Variants in KAZN observed in about 807,000 individuals in gnomAD.
The protein encoded by KAZN is kazrin, periplakin interacting protein.
KAZN carries 40 observed loss-of-function variants against 87.4 expected under a neutral mutation model. The ratio of observed to expected loss-of-function variants is 0.46; its 90% CI spans 0.36 to 0.60. KAZN has a LOEUF of 0.60. Among genes scored for constraint, KAZN ranks in the 20% least tolerant of loss-of-function variants. The pLI is 0.00. For synonymous variants in KAZN, 466 were observed against 458.3 expected (o/e 1.02, Z -0.22); for missense variants, 898 against 1,073.9 (o/e 0.84, Z 2.29).
intron 2 of KAZN, among the ~76,000 whole-genome samples, chr1:14,268,107 C>A (rs1246728173): frequency 2.0e-5 from 3 of 152,214 alleles, no homozygotes; most frequent in Admixed American, 6.5e-5. Flanking sequence ...CAGGTACCTG[C>A]AATCAAGCTA....
intron 2 of KAZN, among the ~76,000 whole-genome samples, chr1:14,235,339 A>G (rs1648307686): frequency 6.6e-6 from 1 of 152,248 alleles, no homozygotes; most frequent in Non-Finnish European, 1.5e-5. Context: ...ACAACATTAC[A>G]CAAAGTAAAA....
At chr1:14,040,424 G>A (rs1407361299) in intron 1 of KAZN, among the ~76,000 whole-genome samples, 3 of 152,188 alleles carry the variant, frequency 2.0e-5, no homozygotes, top group Middle Eastern at 3.4e-3. Flanking sequence ...CATTAGACTC[G>A]AATAGGCTTA....
chr1:14,191,659 C>T (rs990302155), intron 2 of KAZN, among the ~76,000 whole-genome samples: 1 of 152,080 alleles, frequency 6.6e-6, no homozygotes, highest in African/African-American at 2.4e-5. Flanking sequence ...CATCAGCAAA[C>T]CCTCTAATTT....
chr1:14,714,452 T>C (rs1372154415), intron 1 of KAZN, among the ~76,000 whole-genome samples: 1 of 152,074 alleles, frequency 6.6e-6, no homozygotes, highest in Admixed American at 6.5e-5. Context: ...CATGGCCTCC[T>C]GGTCTACCCT....
intron 1 of KAZN, among the ~76,000 whole-genome samples, chr1:13,992,998 T>A (rs1639355432): frequency 6.6e-6 from 1 of 152,230 alleles, no homozygotes; most frequent in African/African-American, 2.4e-5. Flanking sequence ...AGTCTATGAC[T>A]GGTGGACCAA....
At chr1:14,958,635 C>A (rs1414393328) in intron 1 of KAZN, among the ~76,000 whole-genome samples, 3 of 152,202 alleles carry the variant, frequency 2.0e-5, no homozygotes, top group South Asian at 2.1e-4. Context: ...CCTGGTGACT[C>A]CAAAGCTGTG....
At chr1:14,291,859 C>T (rs752621519) in intron 2 of KAZN, among the ~76,000 whole-genome samples, 10 of 152,156 alleles carry the variant, frequency 6.6e-5, no homozygotes, top group Non-Finnish European at 1.2e-4. Flanking sequence ...GGGCTTTTCC[C>T]CCTGTGCTTG....
rs138818492 is a variant in KAZN at position 14,849,166 on chromosome 1, G to A, written c.227-111518G>A. ...TCCTGCAAGGGCCTGCGTTCATTCC[G>A]CTTAAGTTGCCAGGGTGTTGCACAG... On this transcript the variant is annotated intron_variant, in intron 1 of 14. Coordinates refer to ENST00000376030, the MANE Select transcript of KAZN (RefSeq NM_201628.3). Among the ~76,000 whole-genome samples, 628 of 152,254 alleles carry A rather than the reference G, an allele frequency of 4.1e-3. 4 individuals are homozygous for A. The highest frequency in any genetic ancestry group is 0.014 in the African/African-American group (589 of 41,552).
intron 1 of KAZN, among the ~76,000 whole-genome samples, chr1:14,021,262 C>T (rs1640812314): frequency 6.6e-6 from 1 of 152,154 alleles, no homozygotes; most frequent in African/African-American, 2.4e-5. Flanking sequence ...GGGGGAAAGT[C>T]CTCCCCAGTT....
chr1:14,201,137 A>G (rs1459609591), intron 2 of KAZN, among the ~76,000 whole-genome samples: 1 of 152,160 alleles, frequency 6.6e-6, no homozygotes, highest in Admixed American at 6.5e-5. Flanking sequence ...TTGCATCTCC[A>G]CTGATAATGG....
chr1:15,060,472 G>C lies in KAZN; in HGVS notation c.1047+170G>C. 3 of 922,476 alleles carry C rather than the reference G, an allele frequency of 3.3e-6. No individual in the cohort carries two copies. In the South Asian group the frequency reaches 5.0e-5, roughly 15 times the overall value. The allele number at this position is 922,476 out of a possible 1,614,324, so 57.1% of individuals were successfully genotyped here. A position where few individuals can be genotyped will look rare whatever the true frequency, so the allele number is the denominator to read the frequency against. On this transcript the variant is annotated intron_variant, in intron 6 of 14. Transcript: ENST00000376030. ...TCCTTTTGCAAGAAGCGATGGATGT[G>C]GGGAGAAAAAGGAATGAGGCCCGTT...
intron 1 of KAZN, among the ~76,000 whole-genome samples, chr1:14,083,044 T>G (rs187885885): frequency 2.6e-5 from 4 of 152,220 alleles, no homozygotes; most frequent in Admixed American, 2.6e-4. Context: ...TACAAAAAAT[T>G]AGCCGGGTGT....
rs1639211152 is a variant in KAZN, at chr1:15,066,175, T to C, written c.1222+422T>C. 9.9e-7 allele frequency: 1 copy of C among 1,006,764 alleles called. No individual in the cohort carries two copies. The highest frequency in any genetic ancestry group is 1.2e-6 in the Non-Finnish European group (1 of 844,318). 62.4% of individuals were successfully genotyped at this position (1,006,764 alleles called of 1,614,324 possible). A position where few individuals can be genotyped will look rare whatever the true frequency, so the allele number is the denominator to read the frequency against. On this transcript the variant is annotated intron_variant, in intron 8 of 14. Transcript: ENST00000376030. The surrounding 1 kb of genome is among the most constrained non-coding windows in gnomAD (Gnocchi z 4.3). ...TTTTTGTTTTTTTCCCCCTTTCTCC[T>C]CCCCTCCTCCTTTTTATGAAACTTG...
At chr1:14,681,841 G>A (rs1002043569) in intron 1 of KAZN, among the ~76,000 whole-genome samples, 103 of 148,460 alleles carry the variant, frequency 6.9e-4, no homozygotes, top group African/African-American at 2.5e-3. Flanking sequence ...ACAGGCGCCC[G>A]CCACCACACC....
At chr1:14,429,788 C>T (rs1427463985) in intron 2 of KAZN, among the ~76,000 whole-genome samples, 2 of 152,152 alleles carry the variant, frequency 1.3e-5, no homozygotes, top group African/African-American at 2.4e-5. Flanking sequence ...ATCATCCCGA[C>T]GTCATCGTTC....
At chr1:14,410,042 G>A (rs988679078) in intron 2 of KAZN, among the ~76,000 whole-genome samples, 1 of 152,194 alleles carries the variant, frequency 6.6e-6, no homozygotes. Flanking sequence ...ATTGCACAGA[G>A]TTAAAAGGCA....
intron 2 of KAZN, among the ~76,000 whole-genome samples, chr1:14,414,116 A>T (rs1664545013): frequency 6.6e-6 from 1 of 152,190 alleles, no homozygotes; most frequent in African/African-American, 2.4e-5. Flanking sequence ...AAAAATGACA[A>T]CATCAAGAGT....
chr1:14,529,032 G>A (rs965922247), intron 2 of KAZN, among the ~76,000 whole-genome samples: 6 of 151,428 alleles, frequency 4.0e-5, no homozygotes, highest in Admixed American at 2.0e-4. Context: ...GGCCCGGCGC[G>A]GTGGCTCATG....
At chr1:15,091,041 A>G (rs773935358) in intron 8 of KAZN, among the ~76,000 whole-genome samples, 2 of 152,146 alleles carry the variant, frequency 1.3e-5, no homozygotes, top group Non-Finnish European at 2.9e-5. Context: ...TTTTTTCTAC[A>G]TATCAAACAT....
Sources: allele counts gnomAD v4.1 joint callset (sites outside exome capture counted in the v4.1 genomes callset), GRCh38; gene constraint gnomAD v4.1.1; non-coding constraint Gnocchi (gnomAD v3.1); transcripts MANE v1.5; gene names NCBI Gene and HGNC (gene_info 2026-07-23, HGNC 2026-07-21).